PAAF1: variants seen among roughly 807,000 people sequenced by gnomAD.
The protein encoded by PAAF1 is proteasomal ATPase-associated factor 1.
Under a neutral mutation model 52.8 loss-of-function variants are expected in PAAF1, and 46 were observed. The observed-to-expected ratio is 0.87, with a 90% CI of 0.69 to 1.11. PAAF1 has a LOEUF of 1.11. Ranked by LOEUF, PAAF1 falls within the 50% of genes most tolerant of loss-of-function variation. The pLI is 0.00. For synonymous variants in PAAF1, 178 were observed against 172.8 expected (o/e 1.03, Z -0.24); for missense variants, 424 against 477.4 (o/e 0.89, Z 1.04).
At chr11:73,902,326 A>G (rs563994526) in intron 6 of PAAF1, among the ~76,000 whole-genome samples, 2 of 152,332 alleles carry the variant, frequency 1.3e-5, no homozygotes, top group African/African-American at 4.8e-5. Context: ...CCTTCCTTAC[A>G]TTACTGAAGA....
chr11:73,878,306 G>T lies in PAAF1; in HGVS notation c.48-473G>T, dbSNP rs1257022170. 9.2e-5 allele frequency among the ~76,000 whole-genome samples: 14 copies of T among 152,296 alleles called. No homozygotes were observed. The East Asian group carries it at 2.7e-3, about 29-fold the overall frequency. On this transcript the variant is annotated intron_variant, in intron 1 of 11. Coordinates refer to ENST00000310571, the MANE Select transcript of PAAF1 (RefSeq NM_025155.3). The stretch of plus-strand genomic sequence containing the variant: ...ATGATAGAGGGTTGCTGTCAACCTA[G>T]ATCTTTCTGTCTTAAATGCATAGAC...
At chr11:73,884,040 T>A (rs1948990580) in intron 2 of PAAF1, among the ~76,000 whole-genome samples, 1 of 152,160 alleles carries the variant, frequency 6.6e-6, no homozygotes, top group Non-Finnish European at 1.5e-5. Flanking sequence ...CTGCTGAGTT[T>A]AGAAACATGA....
At chr11:73,922,844 A>C (rs1223262954) in intron 10 of PAAF1, among the ~76,000 whole-genome samples, 4 of 150,088 alleles carry the variant, frequency 2.7e-5, no homozygotes, top group Non-Finnish European at 5.9e-5. Flanking sequence ...AAGAAGTTGG[A>C]TATAGATGAT....
chr11:73,930,543 T>A lies in PAAF1; in HGVS notation c.*3181T>A, dbSNP rs12799720. ...GGGTGGATCGCTGGAGCCCAGGAAT[T>A]GGAGACCAGCCTGCACAACATGAGG... On this transcript the variant is annotated 3_prime_UTR_variant, in exon 12 of 12. Transcript: ENST00000310571. 0.056 allele frequency: 8,550 copies of A among 151,964 alleles called. 266 individuals are homozygous for A. Among genetic ancestry groups the A allele is most frequent in the Middle Eastern group, 0.098 (29 of 296 alleles). The allele number at this position is 151,964 out of a possible 1,614,324, so 9.4% of individuals were successfully genotyped here.
At chr11:73,917,316 G>T (rs1950095791) in intron 9 of PAAF1, among the ~76,000 whole-genome samples, 1 of 152,020 alleles carries the variant, frequency 6.6e-6, no homozygotes, top group Admixed American at 6.6e-5. Flanking sequence ...ACTGTACCCA[G>T]CCCTGAATGA....
intron 2 of PAAF1, among the ~76,000 whole-genome samples, chr11:73,884,815 A>G (rs1949014418): frequency 6.6e-6 from 1 of 151,818 alleles, no homozygotes; most frequent in Non-Finnish European, 1.5e-5. Flanking sequence ...AAACTGGTGT[A>G]TTAATTGATG....
intron 6 of PAAF1, among the ~76,000 whole-genome samples, chr11:73,901,284 A>G (rs1382824619): frequency 6.6e-6 from 1 of 152,210 alleles, no homozygotes; most frequent in Non-Finnish European, 1.5e-5. Context: ...ATATCAGATT[A>G]TAGATATACA....
intron 6 of PAAF1, among the ~76,000 whole-genome samples, chr11:73,907,938 G>C (rs1338240636): frequency 2.0e-5 from 3 of 152,068 alleles, no homozygotes; most frequent in Admixed American, 6.6e-5. Flanking sequence ...GCAGTGTCCT[G>C]TCCAGGACAT....
intron 6 of PAAF1, among the ~76,000 whole-genome samples, chr11:73,908,748 C>T (rs1949846357): frequency 6.6e-6 from 1 of 151,316 alleles, no homozygotes; most frequent in African/African-American, 2.4e-5. Flanking sequence ...CTTTTTTTTC[C>T]TCCAAAGTTC....
chr11:73,903,805 C>T (rs771309025), intron 6 of PAAF1, among the ~76,000 whole-genome samples: 11 of 150,966 alleles, frequency 7.3e-5, no homozygotes, highest in Non-Finnish European at 1.2e-4. Context: ...AAAAATTGGC[C>T]GGGCGCAGCG....
rs554173362 is a variant in PAAF1, at chr11:73,897,277, G to A, written c.283-1869G>A. On this transcript the variant is annotated intron_variant, in intron 4 of 11. Transcript: ENST00000310571. Reference sequence around the variant, plus strand: ...TCCCGGACGGGGCGGCTGGCCGTGTGGGGGGCTGACCCCCCCACTTCCCTC... The same window carrying A: ...TCCCGGACGGGGCGGCTGGCCGTGTAGGGGGCTGACCCCCCCACTTCCCTC... 3.5e-3 allele frequency among the ~76,000 whole-genome samples: 522 copies of A among 149,726 alleles called. 7 individuals are homozygous for A. Among genetic ancestry groups the A allele is most frequent in the African/African-American group, 0.012 (458 of 39,718 alleles).
At chr11:73,890,143 G>A (rs1336555813) in intron 3 of PAAF1, among the ~76,000 whole-genome samples, 1 of 152,144 alleles carries the variant, frequency 6.6e-6, no homozygotes, top group Non-Finnish European at 1.5e-5. Flanking sequence ...CATTTGGTGA[G>A]TGCAGCTCCT....
chr11:73,904,625 T>C (rs1166830841), intron 6 of PAAF1, among the ~76,000 whole-genome samples: 6 of 152,192 alleles, frequency 3.9e-5, no homozygotes, highest in Non-Finnish European at 8.8e-5. Flanking sequence ...AGGAGGTGCT[T>C]CAAGGCTTAT....
At chr11:73,891,273 G>A (rs1311989507) in intron 4 of PAAF1, 72 bp downstream of exon 4, 18 of 815,474 alleles carry the variant, frequency 2.2e-5, no homozygotes, top group Admixed American at 7.7e-5. Flanking sequence ...CTTGTCTAGT[G>A]CTATAAACAT....
intron 11 of PAAF1, among the ~76,000 whole-genome samples, chr11:73,926,396 C>A (rs1950358872): frequency 6.6e-6 from 1 of 152,198 alleles, no homozygotes; most frequent in South Asian, 2.1e-4. Context: ...CCGCGCCCAG[C>A]CATCTATTTC....
At chr11:73,905,232 T>C (rs1349896466) in intron 6 of PAAF1, among the ~76,000 whole-genome samples, 2 of 150,090 alleles carry the variant, frequency 1.3e-5, no homozygotes, top group Non-Finnish European at 3.0e-5. Flanking sequence ...GCTGCTTTCT[T>C]TTTTTTTTTG....
rs778740445 is a variant in PAAF1, at chr11:73,891,102, C to T, written c.193-10C>T. 1.3e-6 allele frequency: 2 copies of T among 1,540,254 alleles called. No homozygotes were observed. Among genetic ancestry groups the T allele is most frequent in the South Asian group, 1.1e-5 (1 of 88,080 alleles). ...TTACTGATGAATCTCATCTTTTCCTCTTTGTTTAGAAAAGCATTCATATTT... is the reference window on the plus strand; with the variant it reads ...TTACTGATGAATCTCATCTTTTCCTTTTTGTTTAGAAAAGCATTCATATTT... On this transcript the variant is annotated splice_polypyrimidine_tract_variant and intron_variant, in intron 3 of 11. Coordinates refer to ENST00000310571, the MANE Select transcript of PAAF1 (RefSeq NM_025155.3).
intron 9 of PAAF1, among the ~76,000 whole-genome samples, chr11:73,917,072 G>C (rs926785122): frequency 1.2e-4 from 19 of 152,222 alleles, no homozygotes; most frequent in African/African-American, 4.6e-4. Flanking sequence ...CCAGGCTGGA[G>C]TGCAGTGGTG....
intron 4 of PAAF1, among the ~76,000 whole-genome samples, chr11:73,891,621 A>T (rs1949205119): frequency 6.6e-6 from 1 of 151,956 alleles, no homozygotes; most frequent in African/African-American, 2.4e-5. Flanking sequence ...ACAAAAAAAC[A>T]AAAATTAGCT....
Sources: gnomAD v4.1 joint callset for allele counts (sites outside exome capture counted in the v4.1 genomes callset) on GRCh38, gnomAD v4.1.1 for gene constraint, MANE v1.5 for transcripts, NCBI Gene and HGNC (gene_info 2026-07-23, HGNC 2026-07-21) for gene names.